The following ANK3 variants were observed in gnomAD, a reference collection of about 807,000 sequenced individuals.
The protein encoded by ANK3 is ankyrin-3.
A neutral mutation model predicts 370.9 loss-of-function variants in ANK3; 57 were observed. That is an observed-to-expected ratio of 0.15 (90% CI 0.12 to 0.19). ANK3 has a LOEUF of 0.19. Among genes scored for constraint, ANK3 ranks in the 10% least tolerant of loss-of-function variants. The pLI is 1.00. For missense variants in ANK3, 4,439 were observed against 5,302.1 expected (o/e 0.84, Z 5.06); for synonymous variants, 1,929 against 1,946.3 (o/e 0.99, Z 0.23).
chr10:60,166,250 A>G (rs909530610), intron 23 of ANK3, among the ~76,000 whole-genome samples: 1 of 152,200 alleles, frequency 6.6e-6, no homozygotes. Flanking sequence ...TATTGTAATC[A>G]TAAACATTAA....
chr10:60,059,233 G>A (rs1006471513), intron 41 of ANK3, 107 bp downstream of exon 41: 9 of 955,260 alleles, frequency 9.4e-6, no homozygotes, highest in Non-Finnish European at 1.5e-5. Flanking sequence ...TTTTATCCCA[G>A]AACTAGAATG....
chr10:60,250,531 AT>A (rs1182690797), intron 7 of ANK3, among the ~76,000 whole-genome samples: 21 of 151,854 alleles, frequency 1.4e-4, no homozygotes, highest in East Asian at 3.9e-4. Flanking sequence ...CGCCCAGCTA[AT>A]TTTTTTGTAT....
At chr10:60,192,234 CGTGT>C (rs1565580255) in intron 16 of ANK3, among the ~76,000 whole-genome samples, 1 of 151,272 alleles carries the variant, frequency 6.6e-6, no homozygotes, top group African/African-American at 2.4e-5. Context: ...CCATGGTGCG[CGTGT>C]GTGTGTATAC....
intron 2 of ANK3, among the ~76,000 whole-genome samples, chr10:60,576,546 C>T (rs560805078): frequency 6.6e-6 from 1 of 152,298 alleles, no homozygotes; most frequent in African/African-American, 2.4e-5. Context: ...AACGAAGCAA[C>T]AACCTTCCAT....
chr10:60,183,404 A>G (rs2096249689), intron 17 of ANK3, among the ~76,000 whole-genome samples: 1 of 152,176 alleles, frequency 6.6e-6, no homozygotes, highest in Non-Finnish European at 1.5e-5. Flanking sequence ...CATTTTTCTT[A>G]GGTAGAACAG....
intron 2 of ANK3, among the ~76,000 whole-genome samples, chr10:60,531,651 C>CA (rs376160920): frequency 3.4e-4 from 52 of 151,330 alleles, no homozygotes; most frequent in African/African-American, 1.2e-3. Context: ...TCAGCTATTT[C>CA]AAAAAATAAG....
chr10:60,291,199 G>T (rs1174936237), intron 1 of ANK3, among the ~76,000 whole-genome samples: 1 of 152,058 alleles, frequency 6.6e-6, no homozygotes, highest in Non-Finnish European at 1.5e-5. Context: ...TGCAAAATAG[G>T]ATCTGTGTTT....
chr10:60,180,977 T>G (rs911388867), intron 18 of ANK3, among the ~76,000 whole-genome samples: 2 of 152,158 alleles, frequency 1.3e-5, no homozygotes, highest in Non-Finnish European at 2.9e-5. Flanking sequence ...TTACAAGTTT[T>G]TCTATTTGTC....
At chr10:60,470,670 G>T (rs2065195372) in intron 2 of ANK3, among the ~76,000 whole-genome samples, 1 of 152,170 alleles carries the variant, frequency 6.6e-6, no homozygotes, top group South Asian at 2.1e-4. Context: ...AATACCCAAA[G>T]CCCCGCTCTT....
chr10:60,095,684 G>C (rs2089979915), intron 28 of ANK3, among the ~76,000 whole-genome samples: 1 of 152,032 alleles, frequency 6.6e-6, no homozygotes, highest in Admixed American at 6.6e-5. Context: ...GCCTGGCCTA[G>C]TTTTATTTTT....
At chr10:60,182,523 GCT>G (rs1207930358) in intron 17 of ANK3, among the ~76,000 whole-genome samples, 2 of 152,078 alleles carry the variant, frequency 1.3e-5, no homozygotes, top group African/African-American at 4.8e-5. Context: ...CAGATTTTTT[GCT>G]TTCATCCATT....
chr10:60,610,080 T>A (rs1288366991), intron 2 of ANK3, among the ~76,000 whole-genome samples: 1 of 152,016 alleles, frequency 6.6e-6, no homozygotes, highest in Non-Finnish European at 1.5e-5. Context: ...AAAAAGCTCA[T>A]ATAAATTAAC....
chr10:60,253,371 C>G (rs577439279), intron 7 of ANK3, among the ~76,000 whole-genome samples: 55 of 152,296 alleles, frequency 3.6e-4, no homozygotes, highest in African/African-American at 8.4e-4. Flanking sequence ...TCCCCTCACT[C>G]CACTGTCACT....
chr10:60,415,916 G>GGCCC (rs1567021986), intron 2 of ANK3, among the ~76,000 whole-genome samples: 2 of 81,268 alleles, frequency 2.5e-5, no homozygotes, highest in East Asian at 4.1e-4. Context: ...CTGAATTTGT[G>GGCCC]CCCCCCACCC....
intron 1 of ANK3, among the ~76,000 whole-genome samples, chr10:60,381,682 T>G (rs1171338064): frequency 6.6e-6 from 1 of 152,186 alleles, no homozygotes; most frequent in Non-Finnish European, 1.5e-5. Context: ...GAGGGGAAGC[T>G]GGAAACTTGC....
At chr10:60,625,274 G>A (rs1431777688) in intron 1 of ANK3, among the ~76,000 whole-genome samples, 2 of 152,226 alleles carry the variant, frequency 1.3e-5, no homozygotes, top group South Asian at 2.1e-4. Context: ...ACACACAAGA[G>A]ACAAGAACCC....
intron 2 of ANK3, among the ~76,000 whole-genome samples, chr10:60,484,755 C>T (rs2075306857): frequency 6.6e-6 from 1 of 152,142 alleles, no homozygotes; most frequent in African/African-American, 2.4e-5. Context: ...CACATTAGGC[C>T]ACTGAACTGA....
rs1219584705 is a variant in ANK3, at chr10:60,103,774, A to G, written c.3328+2131T>C. The stretch of plus-strand genomic sequence containing the variant: ...ATGCATTTCCTTTGAATTGTCTAAA[A>G]TGGAACCAAAGTTTATCTGGTCTTT... On this transcript the variant is annotated intron_variant, in intron 28 of 43. Transcript: ENST00000280772. Among the ~76,000 whole-genome samples, 4 of 152,180 alleles carry G rather than the reference A, an allele frequency of 2.6e-5. No homozygotes were observed. In the South Asian group the frequency reaches 8.3e-4, roughly 31 times the overall value.
At chr10:60,128,215 G>C (rs540404158) in intron 25 of ANK3, among the ~76,000 whole-genome samples, 1 of 152,010 alleles carries the variant, frequency 6.6e-6, no homozygotes, top group African/African-American at 2.4e-5. Flanking sequence ...TATAAATTAC[G>C]TGGACTCCTC....
Sources: gnomAD v4.1 joint callset for allele counts (sites outside exome capture counted in the v4.1 genomes callset) on GRCh38, gnomAD v4.1.1 for gene constraint, MANE v1.5 for transcripts, NCBI Gene and HGNC (gene_info 2026-07-23, HGNC 2026-07-21) for gene names.